Variants in ZBTB16 observed in about 807,000 individuals in gnomAD.
ZBTB16 encodes the protein zinc finger and BTB domain-containing protein 16.
In ZBTB16, 8 loss-of-function variants were observed where a neutral mutation model predicts 56.8. That is an observed-to-expected ratio of 0.14 (90% confidence interval 0.08 to 0.25). The LOEUF (loss-of-function observed/expected upper bound fraction) is 0.25. Ranked by LOEUF, ZBTB16 falls within the 10% of genes least tolerant of loss-of-function variation. The probability of loss-of-function intolerance (pLI) is 1.00; values close to 1 mark genes in which losing one functional copy is unlikely to be tolerated. For missense variants in ZBTB16, 625 were observed against 903.0 expected (o/e 0.69, Z 3.95); for synonymous variants, 363 against 368.5 (o/e 0.98, Z 0.17).
intron 3 of ZBTB16, among the ~76,000 whole-genome samples, chr11:114,179,468 T>G (rs990491910): frequency 6.6e-6 from 1 of 152,238 alleles, no homozygotes; most frequent in African/African-American, 2.4e-5. Context: ...TACTCATTGT[T>G]CTGACAGCTT....
chr11:114,163,935 C>T (rs1215835468), intron 3 of ZBTB16, among the ~76,000 whole-genome samples: 3 of 152,306 alleles, frequency 2.0e-5, no homozygotes, highest in Admixed American at 6.5e-5. Context: ...GATTTTGCTT[C>T]CTGTAGAGCA....
intron 2 of ZBTB16, among the ~76,000 whole-genome samples, chr11:114,087,070 C>T (rs1939980817): frequency 6.6e-6 from 1 of 152,184 alleles, no homozygotes; most frequent in South Asian, 2.1e-4. Flanking sequence ...GACATTGCCA[C>T]TTTCTAAGTG....
rs533606962 is a variant in ZBTB16, at chr11:114,254,186, T to G, written c.*3631T>G. Among the ~76,000 whole-genome samples the G allele has an allele frequency of 2.7e-5, 4 of 147,618 alleles. No homozygotes were observed. The highest frequency in any genetic ancestry group is 4.6e-5 in the Non-Finnish European group (3 of 65,404). Reference sequence around the variant, plus strand: ...AGACAAATATATAGATATATAGATATATATATATATAGCAAGAGATTGATA... The same window carrying G: ...AGACAAATATATAGATATATAGATAGATATATATATAGCAAGAGATTGATA... On this transcript the variant is annotated 3_prime_UTR_variant, in exon 7 of 7. Transcript: ENST00000335953.
chr11:114,066,890 C>T (rs911189137), intron 2 of ZBTB16, among the ~76,000 whole-genome samples: 4 of 151,550 alleles, frequency 2.6e-5, no homozygotes, highest in Non-Finnish European at 5.9e-5. Flanking sequence ...CCTGCCTCAG[C>T]CTCCTGAGTA....
chr11:114,243,966 C>T (rs1288181386), intron 5 of ZBTB16, among the ~76,000 whole-genome samples: 2 of 152,168 alleles, frequency 1.3e-5, no homozygotes, highest in Non-Finnish European at 2.9e-5. Context: ...GAAGCCCTTG[C>T]TTATTCTAGG....
chr11:114,249,883 A>G (rs1319423864), intron 6 of ZBTB16, among the ~76,000 whole-genome samples: 1 of 150,980 alleles, frequency 6.6e-6, no homozygotes, highest in Non-Finnish European at 1.5e-5. Flanking sequence ...CACCATCTGT[A>G]GCCCTGAAAG....
chr11:114,088,494 G>T (rs1046167255), intron 2 of ZBTB16, among the ~76,000 whole-genome samples: 1 of 151,996 alleles, frequency 6.6e-6, no homozygotes, highest in Non-Finnish European at 1.5e-5. Context: ...GAAACCCCAC[G>T]TTTTTGTGGG....
At position 114,251,407 on chromosome 11, in the gene ZBTB16, C is replaced by G. The variant is rs978549741; in HGVS notation, c.*852C>G. Reference sequence around the variant, plus strand: ...TCCAGCACCATCGTGAGCAAGATTCCTGCTGCGCTGCTTCCAAAATGGAAA... The same window carrying G: ...TCCAGCACCATCGTGAGCAAGATTCGTGCTGCGCTGCTTCCAAAATGGAAA... On this transcript the variant is annotated 3_prime_UTR_variant, in exon 7 of 7. Coordinates refer to ENST00000335953, the MANE Select transcript of ZBTB16 (RefSeq NM_006006.6). Among the ~76,000 whole-genome samples the G allele has an allele frequency of 8.5e-5, 13 of 152,194 alleles. No individual in the cohort carries two copies. Among genetic ancestry groups the G allele is most frequent in the Non-Finnish European group, 1.9e-4 (13 of 68,044 alleles).
At chr11:114,079,335 G>A (rs915653982) in intron 2 of ZBTB16, among the ~76,000 whole-genome samples, 4 of 152,146 alleles carry the variant, frequency 2.6e-5, no homozygotes. Flanking sequence ...GCCCTGTTAT[G>A]GCCCGGGGAG....
At chr11:114,071,264 AT>A (rs1939338094) in intron 2 of ZBTB16, among the ~76,000 whole-genome samples, 1 of 129,084 alleles carries the variant, frequency 7.7e-6, no homozygotes, top group Admixed American at 8.0e-5. Context: ...TTTTTTTAAA[AT>A]ACTTTAACCT....
Position 114,159,184 on chromosome 11 carries a change from G to A in ZBTB16, c.1366+2750G>A, listed in dbSNP as rs1302514318. ...TGTGCAACTGCCCTGCGGAGCTGGC[G>A]GTTCCCTGGGGAAGCTGACTTTGGT... is the stretch of plus-strand genomic sequence containing the variant. On this transcript the variant is annotated intron_variant, in intron 3 of 6. Coordinates refer to ENST00000335953, the MANE Select transcript of ZBTB16 (RefSeq NM_006006.6). 2.6e-5 allele frequency among the ~76,000 whole-genome samples: 4 copies of A among 152,314 alleles called. No individual in the cohort carries two copies. In the South Asian group the frequency reaches 8.3e-4, roughly 32 times the overall value.
intron 2 of ZBTB16, among the ~76,000 whole-genome samples, chr11:114,146,102 A>G (rs1942091906): frequency 6.6e-6 from 1 of 152,182 alleles, no homozygotes; most frequent in African/African-American, 2.4e-5. Flanking sequence ...CTTAACAGAT[A>G]TAGGGTGAGT....
Position 114,254,900 on chromosome 11 carries a change from G to T in ZBTB16, c.*4345G>T, listed in dbSNP as rs1291454289. ...CAGAGAGGTTGGGTCAGGGGAAAAG[G>T]GTGGGGAGAAAGAGGGGTGCAGGCC... On this transcript the variant is annotated 3_prime_UTR_variant, in exon 7 of 7. Coordinates refer to ENST00000335953, the MANE Select transcript of ZBTB16 (RefSeq NM_006006.6). Among the ~76,000 whole-genome samples the T allele has an allele frequency of 1.3e-5, 2 of 152,136 alleles. No individual in the cohort carries two copies. The highest frequency in any genetic ancestry group is 4.8e-5 in the African/African-American group (2 of 41,422).
chr11:114,234,956 G>A (rs1028208778), intron 4 of ZBTB16, among the ~76,000 whole-genome samples: 7 of 152,154 alleles, frequency 4.6e-5, no homozygotes, highest in African/African-American at 1.7e-4. Flanking sequence ...TGGTCACGAA[G>A]GTTGCCCATG....
At chr11:114,171,550 T>C (rs1442112406) in intron 3 of ZBTB16, among the ~76,000 whole-genome samples, 1 of 152,186 alleles carries the variant, frequency 6.6e-6, no homozygotes, top group African/African-American at 2.4e-5. Context: ...AGCATGTAAC[T>C]GTGCTTCCCG....
chr11:114,242,294 C>A lies in ZBTB16; in HGVS notation c.1581C>A (p.Phe527Leu). 1 of 1,614,062 alleles carries A rather than the reference C, an allele frequency of 6.2e-7. No homozygotes were observed. Among genetic ancestry groups the A allele is most frequent in the Non-Finnish European group, 8.5e-7 (1 of 1,180,034 alleles). The change falls in exon 5 of 7, where the codon TTC becomes TTA. Residue 527 changes from phenylalanine to leucine, a missense_variant. Physicochemically the swap from Phe to Leu is conservative, Grantham distance 22. Coordinates refer to ENST00000335953, the MANE Select transcript of ZBTB16 (RefSeq NM_006006.6). The part of the protein sequence containing the change: ...SYICSECNRT[F>L]PSHTALKRHL... Reference sequence around the variant, plus strand: ...TCTGCAGTGAGTGCAACCGCACCTTCCCCAGCCACACGGCTCTCAAACGCC... The same window carrying A: ...TCTGCAGTGAGTGCAACCGCACCTTACCCAGCCACACGGCTCTCAAACGCC...
intron 4 of ZBTB16, among the ~76,000 whole-genome samples, chr11:114,210,205 G>GCT: frequency 6.8e-6 from 1 of 146,984 alleles, no homozygotes; most frequent in African/African-American, 2.4e-5. Context: ...GTGCGCGCGC[G>GCT]TGCACAGTTT....
chr11:114,217,805 A>C (rs528502644), intron 4 of ZBTB16, among the ~76,000 whole-genome samples: 1 of 152,270 alleles, frequency 6.6e-6, no homozygotes, highest in South Asian at 2.1e-4. Flanking sequence ...TGCTCAGCAG[A>C]GAAGGGCCTC....
At chr11:114,116,176 G>A (rs925616412) in intron 2 of ZBTB16, among the ~76,000 whole-genome samples, 2 of 152,152 alleles carry the variant, frequency 1.3e-5, no homozygotes, top group African/African-American at 4.8e-5. Flanking sequence ...GGACAGCCTC[G>A]GCGAAGTGAG....
Sources: gnomAD v4.1 joint callset for allele counts (sites outside exome capture counted in the v4.1 genomes callset) on GRCh38, gnomAD v4.1.1 for gene constraint, MANE v1.5 for transcripts, NCBI Gene and HGNC (gene_info 2026-07-23, HGNC 2026-07-21) for gene names.